TSPAN9: variants seen among roughly 807,000 people sequenced by gnomAD.
TSPAN9 encodes the protein tetraspanin 9.
Under a neutral mutation model 31.0 loss-of-function variants are expected in TSPAN9, and 16 were observed. That is an observed-to-expected ratio of 0.52 (90% CI 0.35 to 0.78). The LOEUF (loss-of-function observed/expected upper bound fraction) is 0.78, where lower values mean the gene tolerates loss of function less well. Among genes scored for constraint, TSPAN9 ranks in the 30% least tolerant of loss-of-function variants. The pLI is 0.01. For synonymous variants in TSPAN9, 145 were observed against 121.6 expected, an observed-to-expected ratio of 1.19 and a Z score of -1.27; for missense variants, 272 against 312.5, an observed-to-expected ratio of 0.87 and a Z score of 0.98.
At chr12:3,182,047 T>C (rs2098358818) in intron 2 of TSPAN9, among the ~76,000 whole-genome samples, 1 of 151,962 alleles carries the variant, frequency 6.6e-6, no homozygotes, top group Non-Finnish European at 1.5e-5. Flanking sequence ...AGGGCCCGTG[T>C]GTGATGTAGG....
intron 3 of TSPAN9, among the ~76,000 whole-genome samples, chr12:3,275,552 CAG>C (rs772661352): frequency 2.9e-4 from 44 of 152,276 alleles, no homozygotes; most frequent in Non-Finnish European, 5.6e-4. Context: ...GAAGAAAAGT[CAG>C]AGTGACTATT....
chr12:3,197,631 G>T (rs971280583), intron 2 of TSPAN9, among the ~76,000 whole-genome samples: 14 of 152,088 alleles, frequency 9.2e-5, no homozygotes, highest in Non-Finnish European at 1.6e-4. Flanking sequence ...CTGCCAGGGA[G>T]CCAGTGAGGC....
At chr12:3,122,025 TC>T (rs2098325360) in intron 2 of TSPAN9, among the ~76,000 whole-genome samples, 1 of 152,174 alleles carries the variant, frequency 6.6e-6, no homozygotes, top group South Asian at 2.1e-4. Context: ...TCCCCTCCCC[TC>T]GTTTTTTGTC....
chr12:3,111,653 G>A (rs1010196768), intron 2 of TSPAN9, among the ~76,000 whole-genome samples: 2 of 133,568 alleles, frequency 1.5e-5, no homozygotes, highest in East Asian at 2.2e-4. Context: ...TCACTCTGCC[G>A]CCCAGGCTGG....
At chr12:3,226,095 G>C (rs1413218428) in intron 3 of TSPAN9, among the ~76,000 whole-genome samples, 4 of 152,122 alleles carry the variant, frequency 2.6e-5, no homozygotes, top group Non-Finnish European at 5.9e-5. Context: ...TGACATTAGA[G>C]GGGAGACTGG....
intron 2 of TSPAN9, among the ~76,000 whole-genome samples, chr12:3,198,164 C>T (rs1312605802): frequency 6.4e-5 from 5 of 78,552 alleles, no homozygotes; most frequent in African/African-American, 2.4e-4. Flanking sequence ...CACAGGCCAC[C>T]ACCAGCACAG....
intron 3 of TSPAN9, among the ~76,000 whole-genome samples, chr12:3,256,382 G>T (rs578125296): frequency 3.3e-5 from 5 of 152,354 alleles, no homozygotes; most frequent in Admixed American, 6.5e-5. Context: ...GCAGGGGTCC[G>T]GCAGTCGCAG....
chr12:3,218,832 G>T (rs1433049966), intron 3 of TSPAN9, among the ~76,000 whole-genome samples: 2 of 152,018 alleles, frequency 1.3e-5, no homozygotes, highest in African/African-American at 2.4e-5. Context: ...TGGAATCTGG[G>T]TCATTAAAAA....
At chr12:3,252,538 C>G (rs922015817) in intron 3 of TSPAN9, among the ~76,000 whole-genome samples, 1 of 152,226 alleles carries the variant, frequency 6.6e-6, no homozygotes, top group Non-Finnish European at 1.5e-5. Flanking sequence ...GGGGACGGAG[C>G]CCCCTCCTAC....
chr12:3,271,761 T>C (rs1020271204), intron 3 of TSPAN9, among the ~76,000 whole-genome samples: 1 of 152,134 alleles, frequency 6.6e-6, no homozygotes, highest in Non-Finnish European at 1.5e-5. Context: ...TCCCTGCCCC[T>C]CCTGCCTCTC....
intron 3 of TSPAN9, among the ~76,000 whole-genome samples, chr12:3,247,299 G>GGCCC (rs1862154666): frequency 5.3e-5 from 2 of 37,396 alleles, no homozygotes; most frequent in Non-Finnish European, 1.0e-4. Context: ...TTACTGGCCA[G>GGCCC]CCCCCCCCCC....
At position 3,184,382 on chromosome 12, in the gene TSPAN9, A is replaced by C. The variant is rs546713181; in HGVS notation, c.-17-16795A>C. The stretch of plus-strand genomic sequence containing the variant: ...CACTGTGTTCCAGCCTGGGTGACAG[A>C]GTGAGACCCTATTAAAAAAAGAAAA... On this transcript the variant is annotated intron_variant, in intron 2 of 8. Coordinates refer to ENST00000011898, the MANE Select transcript of TSPAN9 (RefSeq NM_006675.5). 2.6e-4 allele frequency among the ~76,000 whole-genome samples: 40 copies of C among 152,108 alleles called. 1 individual carries two copies. The highest frequency in any genetic ancestry group is 6.8e-3 in the Middle Eastern group (2 of 292).
chr12:3,118,771 A>C (rs2098323770), intron 2 of TSPAN9, among the ~76,000 whole-genome samples: 1 of 152,188 alleles, frequency 6.6e-6, no homozygotes, highest in Non-Finnish European at 1.5e-5. Context: ...AGGTAGCAGC[A>C]GCCTAATTTC....
chr12:3,198,865 G>GTCA (rs2098369430), intron 2 of TSPAN9, among the ~76,000 whole-genome samples: 1 of 145,906 alleles, frequency 6.9e-6, no homozygotes, highest in Non-Finnish European at 1.5e-5. Context: ...ACCAGCACAG[G>GTCA]CCACCACCAG....
At chr12:3,230,156 A>G (rs1012641207) in intron 3 of TSPAN9, among the ~76,000 whole-genome samples, 2 of 152,068 alleles carry the variant, frequency 1.3e-5, no homozygotes, top group Non-Finnish European at 2.9e-5. Flanking sequence ...CGTCCCCATC[A>G]CTGGTCTCTC....
At position 3,147,745 on chromosome 12, in the gene TSPAN9, A is replaced by G. The variant is rs1400658882; in HGVS notation, c.-17-53432A>G. Among the ~76,000 whole-genome samples, 1 of 152,202 alleles carries G rather than the reference A, an allele frequency of 6.6e-6. No individual in the cohort carries two copies. Among genetic ancestry groups the G allele is most frequent in the African/African-American group, 2.4e-5 (1 of 41,440 alleles). ...GAAATGTAGGTGGCCACATGTTGCT[A>G]GTGGCTGCCACGTCGGACGGTACTG... On this transcript the variant is annotated intron_variant, in intron 2 of 8. Transcript: ENST00000011898. The surrounding 1 kb of genome is among the most constrained non-coding windows in gnomAD (Gnocchi z 4.3).
chr12:3,269,811 G>A (rs555924181), intron 3 of TSPAN9, among the ~76,000 whole-genome samples: 6 of 152,200 alleles, frequency 3.9e-5, no homozygotes, highest in Admixed American at 6.5e-5. Flanking sequence ...ACCCCCTCTC[G>A]TGGCTGCACT....
chr12:3,147,460 C>T lies in TSPAN9; in HGVS notation c.-17-53717C>T, dbSNP rs549911651. ...CCTGGTGGCATCTCCACCGACGCGA[C>T]GGGAAGTGGCCTCTCCCTCCTTCAG... On this transcript the variant is annotated intron_variant, in intron 2 of 8. Coordinates refer to ENST00000011898, the MANE Select transcript of TSPAN9 (RefSeq NM_006675.5). This position sits in a 1 kb window ranked among gnomAD's most constrained non-coding sequence, Gnocchi z 4.3. Among the ~76,000 whole-genome samples, 5 of 152,286 alleles carry T rather than the reference C, an allele frequency of 3.3e-5. No homozygotes were observed. Among genetic ancestry groups the T allele is most frequent in the East Asian group, 1.9e-4 (1 of 5,168 alleles).
At chr12:3,272,459 G>T (rs1862697786) in intron 3 of TSPAN9, among the ~76,000 whole-genome samples, 2 of 151,560 alleles carry the variant, frequency 1.3e-5, no homozygotes, top group African/African-American at 4.9e-5. Context: ...GAAGAAAAAT[G>T]GATAAGACAC....
Sources: gnomAD v4.1 joint callset for allele counts (sites outside exome capture counted in the v4.1 genomes callset) on GRCh38, gnomAD v4.1.1 for gene constraint, Gnocchi (gnomAD v3.1) non-coding constraint, MANE v1.5 for transcripts, NCBI Gene and HGNC (gene_info 2026-07-23, HGNC 2026-07-21) for gene names.